The following ADK variants were observed in gnomAD, a reference collection of about 807,000 sequenced individuals.
The protein encoded by ADK is N6,N6-dimethyladenosine kinase.
Under a neutral mutation model 44.7 loss-of-function variants are expected in ADK, and 24 were observed. The ratio of observed to expected loss-of-function variants is 0.54; its 90% CI spans 0.39 to 0.76. ADK has a LOEUF of 0.76. Among genes scored for constraint, ADK ranks in the 30% least tolerant of loss-of-function variants. The pLI, the probability that ADK is intolerant of heterozygous loss-of-function variation, is 0.00. For synonymous variants in ADK, 128 were observed against 142.6 expected (o/e 0.90, Z 0.73); for missense variants, 321 against 425.1 (o/e 0.76, Z 2.15).
chr10:74,561,104 G>A (rs1385469670), intron 7 of ADK, among the ~76,000 whole-genome samples: 1 of 152,158 alleles, frequency 6.6e-6, no homozygotes, highest in Non-Finnish European at 1.5e-5. Context: ...GAAGAGCTTT[G>A]GCTGCAGTCA....
At chr10:74,436,593 T>A (rs1428813866) in intron 6 of ADK, among the ~76,000 whole-genome samples, 1 of 152,124 alleles carries the variant, frequency 6.6e-6, no homozygotes, top group Non-Finnish European at 1.5e-5. Context: ...TTAAAAATTA[T>A]TAAAATGCCC....
At chr10:74,543,731 G>A (rs1849729626) in intron 7 of ADK, among the ~76,000 whole-genome samples, 2 of 152,168 alleles carry the variant, frequency 1.3e-5, no homozygotes, top group Non-Finnish European at 2.9e-5. Flanking sequence ...CTAGAAGCAT[G>A]TAAAATTCTA....
At chr10:74,659,033 T>C (rs1213334399) in intron 9 of ADK, among the ~76,000 whole-genome samples, 2 of 151,844 alleles carry the variant, frequency 1.3e-5, no homozygotes, top group Non-Finnish European at 2.9e-5. Flanking sequence ...CTAGGCAACA[T>C]AGGGAGGCCC....
At chr10:74,599,206 C>G (rs1282455465) in intron 8 of ADK, among the ~76,000 whole-genome samples, 1 of 152,194 alleles carries the variant, frequency 6.6e-6, no homozygotes, top group Non-Finnish European at 1.5e-5. Context: ...TTTTCAGAAA[C>G]AACTGTCCTC....
intron 2 of ADK, among the ~76,000 whole-genome samples, chr10:74,204,774 T>G (rs1410485594): frequency 6.6e-6 from 1 of 152,158 alleles, no homozygotes. Context: ...CTGGGCGTGG[T>G]GGCTCACGCC....
At chr10:74,435,466 A>G (rs1241780498) in intron 6 of ADK, among the ~76,000 whole-genome samples, 1 of 152,208 alleles carries the variant, frequency 6.6e-6, no homozygotes. Flanking sequence ...GCCCAGTTCT[A>G]TGCTATAACT....
At chr10:74,357,761 T>C (rs1842195143) in intron 4 of ADK, among the ~76,000 whole-genome samples, 1 of 152,202 alleles carries the variant, frequency 6.6e-6, no homozygotes, top group Non-Finnish European at 1.5e-5. Flanking sequence ...GATAAATGTT[T>C]TGTATCACAT....
intron 1 of ADK, among the ~76,000 whole-genome samples, chr10:74,190,866 C>G (rs1007326637): frequency 2.6e-5 from 4 of 152,106 alleles, no homozygotes; most frequent in African/African-American, 7.2e-5. Flanking sequence ...TGTTAAAATG[C>G]CACAAAGCTT....
chr10:74,560,142 C>T (rs1185619655), intron 7 of ADK, among the ~76,000 whole-genome samples: 1 of 152,184 alleles, frequency 6.6e-6, no homozygotes, highest in African/African-American at 2.4e-5. Flanking sequence ...TAGTCTCAAT[C>T]TCCTGAGCTC....
chr10:74,554,037 G>C (rs1324208676), intron 7 of ADK, among the ~76,000 whole-genome samples: 1 of 152,112 alleles, frequency 6.6e-6, no homozygotes, highest in African/African-American at 2.4e-5. Context: ...TCATGAAGAA[G>C]GTGAATCTTT....
intron 6 of ADK, among the ~76,000 whole-genome samples, chr10:74,488,596 TC>T (rs1376595392): frequency 6.6e-6 from 1 of 150,964 alleles, no homozygotes; most frequent in African/African-American, 2.4e-5. Flanking sequence ...TGAGTTTTTT[TC>T]CTTCAGAAAA....
At chr10:74,498,646 A>G (rs1253291665) in intron 6 of ADK, among the ~76,000 whole-genome samples, 1 of 152,172 alleles carries the variant, frequency 6.6e-6, no homozygotes, top group Non-Finnish European at 1.5e-5. Context: ...ATTTAACATT[A>G]GGTTTATCTC....
intron 7 of ADK, among the ~76,000 whole-genome samples, chr10:74,540,014 C>A (rs1012457088): frequency 4.6e-5 from 7 of 152,148 alleles, no homozygotes; most frequent in African/African-American, 1.7e-4. Flanking sequence ...TAGCTCTCTC[C>A]TTTCTTTCTT....
At chr10:74,382,147 G>A (rs1260147996) in intron 4 of ADK, among the ~76,000 whole-genome samples, 1 of 152,074 alleles carries the variant, frequency 6.6e-6, no homozygotes, top group Non-Finnish European at 1.5e-5. Flanking sequence ...ACTCAGGCTG[G>A]AGTGCAAGTG....
At chr10:74,378,491 A>G (rs1300081212) in intron 4 of ADK, among the ~76,000 whole-genome samples, 1 of 152,170 alleles carries the variant, frequency 6.6e-6, no homozygotes, top group African/African-American at 2.4e-5. Flanking sequence ...TTTTAGTAGT[A>G]TGTTTTGAAT....
At position 74,312,914 on chromosome 10, in the gene ADK, C is replaced by CAAAAAAAAAAAAA. The variant is rs56052959; in HGVS notation, c.195-1739_195-1727dup. On this transcript the variant is annotated intron_variant, in intron 3 of 10. Coordinates refer to ENST00000539909, the MANE Select transcript of ADK (RefSeq NM_006721.4). ...GGATGAAAAAGGAAGATTCTGTCTCCAAAAAAAAAAAAAAAAAAAAAAAAA... is the reference window on the plus strand; with the variant it reads ...GGATGAAAAAGGAAGATTCTGTCTCCAAAAAAAAAAAAAAAAAAAAAAAAAAAAAAAAAAAAAA... 7.9e-4 allele frequency among the ~76,000 whole-genome samples: 30 copies of CAAAAAAAAAAAAA among 37,830 alleles called. 1 individual carries two copies. The highest frequency in any genetic ancestry group is 3.5e-3 in the South Asian group (2 of 568). The allele number at this position is 37,830 out of a possible 152,430, so 24.8% of individuals were successfully genotyped here.
At chr10:74,478,836 T>A (rs1295960793) in intron 6 of ADK, among the ~76,000 whole-genome samples, 1 of 152,190 alleles carries the variant, frequency 6.6e-6, no homozygotes, top group African/African-American at 2.4e-5. Context: ...TTATAAGTAC[T>A]TTGATGGGTT....
intron 9 of ADK, chr10:74,655,837 T>C: frequency 1.9e-6 from 1 of 528,870 alleles, no homozygotes; most frequent in Non-Finnish European, 3.7e-6. Context: ...GAGGTGGTAC[T>C]CATCAAGCAG....
intron 1 of ADK, among the ~76,000 whole-genome samples, chr10:74,162,201 A>G (rs555049863): frequency 4.6e-5 from 7 of 151,698 alleles, no homozygotes; most frequent in African/African-American, 1.7e-4. Context: ...TTGTATTTTT[A>G]GTAGAGACAG....
Sources: allele counts gnomAD v4.1 joint callset (sites outside exome capture counted in the v4.1 genomes callset), GRCh38; gene constraint gnomAD v4.1.1; transcripts MANE v1.5; gene names NCBI Gene and HGNC (gene_info 2026-07-23, HGNC 2026-07-21).